The following ZNF226 variants were observed in gnomAD, a reference collection of about 807,000 sequenced individuals.
ZNF226 encodes the protein zinc finger protein 226.
Under a neutral mutation model 11.4 loss-of-function variants are expected in ZNF226, and 6 were observed. The observed-to-expected ratio is 0.53, with a 90% CI of 0.29 to 1.04. The LOEUF (loss-of-function observed/expected upper bound fraction) is 1.04. ZNF226 is among the 50% of genes least tolerant of loss of function. The pLI is 0.08. For synonymous variants in ZNF226, 350 were observed against 322.8 expected, an observed-to-expected ratio of 1.08 and a Z score of -0.90; for missense variants, 1,058 against 956.5, an observed-to-expected ratio of 1.11 and a Z score of -1.40.
chr19:44,198,388 AG>A, the ZNF226 span, among the ~76,000 whole-genome samples: 1 of 152,204 alleles, frequency 6.6e-6, no homozygotes. Flanking sequence ...GAGCACTGAT[AG>A]CTTTACAACA....
At chr19:44,185,257 A>T in the ZNF226 span, among the ~76,000 whole-genome samples, 1 of 152,068 alleles carries the variant, frequency 6.6e-6, no homozygotes, top group Non-Finnish European at 1.5e-5. Context: ...GTTCTTTTGG[A>T]TATATACCCG....
chr19:44,168,204 G>A (rs1969630557), intron 2 of ZNF226, among the ~76,000 whole-genome samples: 1 of 150,862 alleles, frequency 6.6e-6, no homozygotes, highest in African/African-American at 2.4e-5. Context: ...GGAAACACCA[G>A]GTTCTGGTTG....
rs760663528 is a variant in ZNF226, at chr19:44,176,807, T to C, written c.1545T>C (p.Asn515=). ...CNECGKSFRR[N]SHYQVHLVVH... is the part of the protein sequence containing the mutation. ...AGTGTGGGAAGAGCTTCAGGAGGAA[T>C]TCCCATTATCAAGTTCATCTAGTGG... is the stretch of plus-strand genomic sequence containing the variant. The change falls in exon 6 of 6, where the codon AAT becomes AAC. Residue 515 remains asparagine, a synonymous_variant. Coordinates refer to ENST00000337433, the MANE Select transcript of ZNF226 (RefSeq NM_001032373.2). The C allele has an allele frequency of 6.2e-6, 10 of 1,612,478 alleles. No individual in the cohort carries two copies. Among genetic ancestry groups the C allele is most frequent in the Non-Finnish European group, 7.6e-6 (9 of 1,179,554 alleles).
chr19:44,195,206 G>A, the ZNF226 span, among the ~76,000 whole-genome samples: 1 of 152,160 alleles, frequency 6.6e-6, no homozygotes, highest in Non-Finnish European at 1.5e-5. Flanking sequence ...TTAATTTAAG[G>A]TGGCCTTATA....
the ZNF226 span, among the ~76,000 whole-genome samples, chr19:44,184,708 G>C: frequency 6.6e-6 from 1 of 152,110 alleles, no homozygotes; most frequent in African/African-American, 2.4e-5. Context: ...ATGACTACTA[G>C]GATTCTTAGT....
Position 44,175,753 on chromosome 19 carries a change from T to G in ZNF226, c.491T>G (p.Phe164Cys). The change falls in exon 6 of 6, where the codon TTT becomes TGT. Residue 164 changes from phenylalanine (F) to cysteine (C), a missense_variant. Physicochemically the swap from Phe to Cys is radical, Grantham distance 205 (BLOSUM62 -2). Transcript: ENST00000337433. ...CCCAATAATACTGGGAATCCAGAGT[T>G]TCCTATCTTGAGAACCCAGGATTCT... ...DGPNNTGNPEFPILRTQDSWR... is the reference protein window; with the variant it reads ...DGPNNTGNPECPILRTQDSWR... 1.2e-6 allele frequency: 2 copies of G among 1,613,434 alleles called. No individual in the cohort carries two copies. The highest frequency in any genetic ancestry group is 1.7e-6 in the Non-Finnish European group (2 of 1,179,650).
At position 44,177,180 on chromosome 19, in the gene ZNF226, GA is replaced by G; in HGVS notation, c.1923del (p.Lys641AsnfsTer44). 1 of 1,614,048 alleles carries G rather than the reference GA, an allele frequency of 6.2e-7. No homozygotes were observed. The highest frequency in any genetic ancestry group is 8.5e-7 in the Non-Finnish European group (1 of 1,180,012). ...GGCCCATCAGAGAGTCCACAGTGGA[GA>G]AAAACCATTCAAATGTGAAGAATGT... is the stretch of plus-strand genomic sequence containing the variant. ...LLAHQRVHSG[E>X]KPFKCEECGK... is the part of the protein sequence containing the mutation. On this transcript the variant is annotated frameshift_variant, in exon 6 of 6. Transcript: ENST00000337433. LOFTEE classifies it low-confidence loss of function (END_TRUNC).
chr19:44,195,554 G>T, the ZNF226 span, among the ~76,000 whole-genome samples: 1 of 152,170 alleles, frequency 6.6e-6, no homozygotes, highest in Admixed American at 6.5e-5. Flanking sequence ...AGTGAGGAGG[G>T]TTACATGAGT....
At chr19:44,172,591 G>A in intron 4 of ZNF226, 1 of 467,230 alleles carries the variant, frequency 2.1e-6, no homozygotes, top group Non-Finnish European at 3.8e-6. Flanking sequence ...CTGGCCAATT[G>A]CTTGAGTGAT....
the ZNF226 span, among the ~76,000 whole-genome samples, chr19:44,186,875 G>GT: frequency 9.9e-4 from 71 of 71,404 alleles, no homozygotes; most frequent in Middle Eastern, 6.4e-3. Flanking sequence ...TAGTTAAGTG[G>GT]TTTTTTTTTT....
Position 44,175,592 on chromosome 19 carries a change from C to T in ZNF226, c.330C>T (p.Asp110=). 1.2e-6 allele frequency: 2 copies of T among 1,613,612 alleles called. No homozygotes were observed. Among genetic ancestry groups the T allele is most frequent in the South Asian group, 1.1e-5 (1 of 90,966 alleles). ...AAATCTGGCAACAAATTGCAAATGA[C>T]TTAACCAGGTGTCAAGACTCCATGA... is the stretch of plus-strand genomic sequence containing the variant. ...CWQIWQQIAN[D]LTRCQDSMIN... is the part of the protein sequence containing the mutation. Residue 110 remains aspartate, a synonymous_variant, in exon 6 of 6, where the codon GAC becomes GAT. Transcript: ENST00000337433.
the ZNF226 span, among the ~76,000 whole-genome samples, chr19:44,196,695 A>G: frequency 6.6e-6 from 1 of 152,196 alleles, no homozygotes; most frequent in Non-Finnish European, 1.5e-5. Flanking sequence ...ATTTCTTGTG[A>G]CCAGGGCAGT....
the ZNF226 span, among the ~76,000 whole-genome samples, chr19:44,195,853 G>T: frequency 6.6e-6 from 1 of 152,162 alleles, no homozygotes; most frequent in African/African-American, 2.4e-5. Flanking sequence ...TGAGGAGTTT[G>T]CTATAATCAA....
At chr19:44,180,669 G>A (rs1970893822), downstream of ZNF226, among the ~76,000 whole-genome samples, 1 of 152,128 alleles carries the variant, frequency 6.6e-6, no homozygotes, top group East Asian at 1.9e-4. Flanking sequence ...TCAAAATTTA[G>A]TAGTTGTGAC....
Position 44,177,266 on chromosome 19 carries a change from T to A in ZNF226, c.2004T>A (p.Asp668Glu), listed in dbSNP as rs958494563. The change falls in exon 6 of 6, where the codon GAT becomes GAA. Residue 668 changes from aspartate (D) to glutamate (E), a missense_variant. By Grantham distance (45) the Asp-to-Glu change is conservative. Transcript: ENST00000337433. ...CCCATCAAAAAGTCCACACTGGAGA[T>A]AAGCCATACAAATGTGATGAGTGTG... ...LQAHQKVHTG[D>E]KPYKCDECGK... 8.7e-6 allele frequency: 14 copies of A among 1,611,754 alleles called. No individual in the cohort carries two copies. The highest frequency in any genetic ancestry group is 6.7e-5 in the African/African-American group (5 of 74,154).
chr19:44,180,037 C>T (rs947399608), downstream of ZNF226, among the ~76,000 whole-genome samples: 8 of 136,738 alleles, frequency 5.9e-5, no homozygotes, highest in Admixed American at 8.0e-5. Flanking sequence ...CAGTGAGCTG[C>T]GATCGTGCCA....
In ZNF226 at chr19:44,177,123, G is replaced by T; in HGVS notation, c.1861G>T (p.Gly621Trp). 6.2e-7 allele frequency: 1 copy of T among 1,614,022 alleles called. No individual in the cohort carries two copies. The highest frequency in any genetic ancestry group is 8.5e-7 in the Non-Finnish European group (1 of 1,179,898). Residue 621 changes from glycine to tryptophan, a missense_variant, in exon 6 of 6, where the codon GGG (glycine) becomes TGG (tryptophan). Physicochemically the swap from Gly to Trp is radical, Grantham distance 184. Coordinates refer to ENST00000337433, the MANE Select transcript of ZNF226 (RefSeq NM_001032373.2). ...GAAACCATATAATTGTGAGGAGTGT[G>T]GGAAGGTCTTCAGGCAGGCCTCAAA... is the stretch of plus-strand genomic sequence containing the variant. ...GEKPYNCEECGKVFRQASNLL... is the reference protein window; with the variant it reads ...GEKPYNCEECWKVFRQASNLL...
chr19:44,176,029 AGT>A lies in ZNF226; in HGVS notation c.770_771del (p.Cys257Ter). The A allele has an allele frequency of 6.2e-7, 1 of 1,613,982 alleles. No homozygotes were observed. Among genetic ancestry groups the A allele is most frequent in the African/African-American group, 1.3e-5 (1 of 75,046 alleles). On this transcript the variant is annotated frameshift_variant, in exon 6 of 6. Coordinates refer to ENST00000337433, the MANE Select transcript of ZNF226 (RefSeq NM_001032373.2). LOFTEE classifies it low-confidence loss of function (END_TRUNC). ...GGACAGAAATCGTACCAGTGTAATG[AGT>A]GTAAAAAACCCTTCAGTGATCTCTC...
At chr19:44,189,803 A>G in the ZNF226 span, among the ~76,000 whole-genome samples, 2 of 152,244 alleles carry the variant, frequency 1.3e-5, no homozygotes, top group Non-Finnish European at 2.9e-5. Context: ...GCATAAAGAC[A>G]TCAACTTCTC....
Sources: allele counts gnomAD v4.1 joint callset (sites outside exome capture counted in the v4.1 genomes callset), GRCh38; gene constraint gnomAD v4.1.1; transcripts MANE v1.5; gene names NCBI Gene and HGNC (gene_info 2026-07-23, HGNC 2026-07-21).